COA1: variants seen among roughly 807,000 people sequenced by gnomAD.
COA1 encodes cytochrome c oxidase assembly factor 1, also known as cytochrome c oxidase assembly factor 1 homolog.
COA1 carries 13 observed loss-of-function variants against 16.0 expected under a neutral mutation model. The observed-to-expected ratio is 0.81, with a 90% CI of 0.53 to 1.29. COA1 has a LOEUF of 1.29. COA1 is among the 50% of genes most tolerant of loss of function. The probability of loss-of-function intolerance (pLI) is 0.00; values close to 1 mark genes in which losing one functional copy is unlikely to be tolerated. For synonymous variants in COA1, 65 were observed against 65.7 expected, an observed-to-expected ratio of 0.99 and a Z score of 0.05; for missense variants, 179 against 177.0, an observed-to-expected ratio of 1.01 and a Z score of -0.06.
chr7:43,683,317 A>C (rs1010615672), intron 1 of COA1, among the ~76,000 whole-genome samples: 7 of 152,074 alleles, frequency 4.6e-5, no homozygotes, highest in Non-Finnish European at 8.8e-5. Context: ...CACTATTTTT[A>C]ACATAACTAT....
chr7:43,699,297 G>A (rs1048252600), intron 1 of COA1, among the ~76,000 whole-genome samples: 1 of 152,170 alleles, frequency 6.6e-6, no homozygotes, highest in Non-Finnish European at 1.5e-5. Flanking sequence ...ATAACTCCTT[G>A]AGAGGAGAAA....
chr7:43,718,875 T>C (rs997000357), intron 1 of COA1, among the ~76,000 whole-genome samples: 1 of 152,136 alleles, frequency 6.6e-6, no homozygotes, highest in Non-Finnish European at 1.5e-5. Flanking sequence ...TATGTTGATG[T>C]TGTCTATTTT....
chr7:43,617,316 G>A (rs953835132), intron 6 of COA1, among the ~76,000 whole-genome samples: 2 of 152,228 alleles, frequency 1.3e-5, no homozygotes, highest in African/African-American at 2.4e-5. Context: ...GAACCTTCTG[G>A]CTTCAATGTG....
At chr7:43,625,841 GAA>G (rs1254431188) in intron 6 of COA1, 2 of 152,030 alleles carry the variant, frequency 1.3e-5, no homozygotes, top group African/African-American at 4.8e-5. Flanking sequence ...GCTATGCTAG[GAA>G]AAGTTATAAA....
At chr7:43,676,351 T>C (rs1322895157) in intron 1 of COA1, among the ~76,000 whole-genome samples, 2 of 152,258 alleles carry the variant, frequency 1.3e-5, no homozygotes, top group East Asian at 3.9e-4. Context: ...ATCAACCTAG[T>C]GTCCAACAAC....
At chr7:43,697,435 G>T (rs527464640) in intron 1 of COA1, among the ~76,000 whole-genome samples, 1 of 151,966 alleles carries the variant, frequency 6.6e-6, no homozygotes, top group South Asian at 2.1e-4. Flanking sequence ...GGGACTACAG[G>T]GGCATGTGTC....
At chr7:43,612,714 A>C (rs1286444928) in intron 6 of COA1, among the ~76,000 whole-genome samples, 2 of 152,126 alleles carry the variant, frequency 1.3e-5, no homozygotes, top group Non-Finnish European at 2.9e-5. Context: ...TACACTGCTT[A>C]GCTTTGGTGC....
chr7:43,625,106 T>TG, intron 6 of COA1: 2 of 307,834 alleles, frequency 6.5e-6, no homozygotes, highest in South Asian at 1.5e-4. Context: ...ACATCCTGTT[T>TG]CTCCAGAATG....
At chr7:43,717,620 G>C (rs1318252034) in intron 1 of COA1, among the ~76,000 whole-genome samples, 1 of 152,064 alleles carries the variant, frequency 6.6e-6, no homozygotes, top group Non-Finnish European at 1.5e-5. Context: ...GCTGAAATGA[G>C]TTAAGATTTT....
chr7:43,721,660 TAGCACTAGGG>T, intron 1 of COA1, among the ~76,000 whole-genome samples: 1 of 152,274 alleles, frequency 6.6e-6, no homozygotes, highest in Non-Finnish European at 1.5e-5. Flanking sequence ...CATGAAGAGA[TAGCACTAGGG>T]AGTTTTTGAG....
At chr7:43,639,708 T>C in intron 5 of COA1, 27 bp from the exon 6 acceptor site, 1 of 1,576,002 alleles carries the variant, frequency 6.3e-7, no homozygotes, top group South Asian at 1.1e-5. Flanking sequence ...GTATAGTATC[T>C]CTAATCTATG....
intron 1 of COA1, among the ~76,000 whole-genome samples, chr7:43,654,084 G>A: frequency 6.6e-6 from 1 of 152,134 alleles, no homozygotes; most frequent in East Asian, 1.9e-4. Flanking sequence ...ACATGTCCAT[G>A]GACAAATGAA....
intron 1 of COA1, among the ~76,000 whole-genome samples, chr7:43,686,921 T>C (rs777225542): frequency 1.3e-5 from 2 of 152,208 alleles, no homozygotes; most frequent in Non-Finnish European, 1.5e-5. Context: ...TTAATGACTA[T>C]TATATCAAAG....
chr7:43,669,132 CTT>C (rs1303660124), intron 1 of COA1, among the ~76,000 whole-genome samples: 1 of 152,180 alleles, frequency 6.6e-6, no homozygotes, highest in Non-Finnish European at 1.5e-5. Context: ...TTCGATGCCC[CTT>C]CTCAGCAGGA....
At chr7:43,649,974 G>C (rs2090424294) in intron 1 of COA1, 1 of 152,360 alleles carries the variant, frequency 6.6e-6, no homozygotes, top group African/African-American at 2.4e-5. Context: ...GAAGAGAAAG[G>C]TGAAAAGAGC....
At chr7:43,685,812 G>T (rs1435947298) in intron 1 of COA1, among the ~76,000 whole-genome samples, 1 of 152,118 alleles carries the variant, frequency 6.6e-6, no homozygotes, top group African/African-American at 2.4e-5. Flanking sequence ...TATTAATTGG[G>T]TTGTGAACAA....
intron 5 of COA1, among the ~76,000 whole-genome samples, chr7:43,640,180 T>G (rs2086694771): frequency 6.6e-6 from 1 of 152,154 alleles, no homozygotes; most frequent in Admixed American, 6.5e-5. Flanking sequence ...CAAAGCCAAT[T>G]AAGGGGTGGA....
intron 1 of COA1, among the ~76,000 whole-genome samples, chr7:43,663,178 C>G (rs938709913): frequency 1.3e-5 from 2 of 152,202 alleles, no homozygotes; most frequent in Non-Finnish European, 2.9e-5. Context: ...CTCGCTCCTG[C>G]TCTTGCCATA....
exon 7 of COA1, chr7:43,608,525 TGAGTC>T (rs2082637954): frequency 8.4e-7 from 1 of 1,184,226 alleles, no homozygotes; most frequent in African/African-American, 1.5e-5. Flanking sequence ...ATATTAGAAT[TGAGTC>T]TTTACTCCTA....
Sources: gnomAD v4.1 joint callset for allele counts (sites outside exome capture counted in the v4.1 genomes callset) on GRCh38, gnomAD v4.1.1 for gene constraint, MANE v1.5 for transcripts, NCBI Gene and HGNC (gene_info 2026-07-23, HGNC 2026-07-21) for gene names.